The following TENT5B variants were observed in gnomAD, a reference collection of about 807,000 sequenced individuals.
TENT5B encodes the protein terminal nucleotidyltransferase 5B.
In TENT5B, 12 loss-of-function variants were observed where a neutral mutation model predicts 21.7. That is an observed-to-expected ratio of 0.55 (90% confidence interval 0.36 to 0.90). TENT5B has a LOEUF of 0.90. TENT5B is among the 40% of genes least tolerant of loss of function. The pLI is 0.01. For synonymous variants in TENT5B, 262 were observed against 266.6 expected (o/e 0.98, Z 0.17); for missense variants, 540 against 601.5 (o/e 0.90, Z 1.07).
chr1:27,005,926 T>C lies in TENT5B; in HGVS notation c.*18A>G, dbSNP rs1359535450. The C allele has an allele frequency of 6.5e-7, 1 of 1,535,570 alleles. No homozygotes were observed. Among genetic ancestry groups the C allele is most frequent in the South Asian group, 1.3e-5 (1 of 79,102 alleles). The stretch of plus-strand genomic sequence containing the variant: ...ACCCCGTGAGGCCCAGTCCCTTCCC[T>C]TCTGGCCAGGGTCTGAGTCAGTTAC... On this transcript the variant is annotated 3_prime_UTR_variant, in exon 2 of 2. Coordinates refer to ENST00000289166, the MANE Select transcript of TENT5B (RefSeq NM_052943.4).
Position 27,012,765 on chromosome 1 carries a change from C to A in TENT5B, c.-95G>T. 1 of 1,347,558 alleles carries A rather than the reference C, an allele frequency of 7.4e-7. No homozygotes were observed. Among genetic ancestry groups the A allele is most frequent in the Non-Finnish European group, 9.5e-7 (1 of 1,047,624 alleles). The allele number at this position is 1,347,558 out of a possible 1,614,324, so 83.5% of individuals were successfully genotyped here. A position where few individuals can be genotyped will look rare whatever the true frequency, so the allele number is the denominator to read the frequency against. On this transcript the variant is annotated 5_prime_UTR_variant, in exon 1 of 2. Transcript: ENST00000289166. The stretch of plus-strand genomic sequence containing the variant: ...GCTGGGCAGGGGCCAAGGCGGGGGG[C>A]ACGAAGGCAGGGACGGGGCGGCAAC...
At position 27,007,547 on chromosome 1, in the gene TENT5B, G is replaced by C. The variant is rs538926789; in HGVS notation, c.265-590C>G. ...GTTGGGATTACAGGGGCCTGCCACTGTGCCCGGCTAATTTTTGTATTTTTA... is the reference window on the plus strand; with the variant it reads ...GTTGGGATTACAGGGGCCTGCCACTCTGCCCGGCTAATTTTTGTATTTTTA... On this transcript the variant is annotated intron_variant, in intron 1 of 1. Transcript: ENST00000289166. 2.2e-3 allele frequency among the ~76,000 whole-genome samples: 337 copies of C among 150,738 alleles called. 1 individual carries two copies. The highest frequency in any genetic ancestry group is 7.9e-3 in the African/African-American group (316 of 40,206).
intron 1 of TENT5B, among the ~76,000 whole-genome samples, chr1:27,009,249 G>A (rs546368443): frequency 1.2e-3 from 180 of 152,044 alleles, no homozygotes; most frequent in African/African-American, 4.1e-3. Context: ...GATTACAGGC[G>A]TGAGACACTG....
rs1570781772 is a variant in TENT5B, at chr1:27,006,443, T to G, written c.779A>C (p.His260Pro). 1.2e-6 allele frequency: 2 copies of G among 1,613,582 alleles called. No homozygotes were observed. The highest frequency in any genetic ancestry group is 2.2e-5 in the East Asian group (1 of 44,858). ...CGTGGCGATGACACGGTGCCGCAGG[T>G]GCTCCAGGGCCTCGGTGAAGTCCCC... ...LYGDFTEALEHLRHRVIATRS... is the reference protein window; with the variant it reads ...LYGDFTEALEPLRHRVIATRS... The change falls in exon 2 of 2, where the codon CAC becomes CCC. Residue 260 changes from histidine to proline, a missense_variant. Physicochemically the swap from His to Pro is moderately conservative, Grantham distance 77. Transcript: ENST00000289166. This position sits in a 1 kb window ranked among gnomAD's most constrained non-coding sequence, Gnocchi z 9.4.
chr1:27,007,224 T>A (rs2082604459), intron 1 of TENT5B, among the ~76,000 whole-genome samples: 1 of 151,962 alleles, frequency 6.6e-6, no homozygotes, highest in Non-Finnish European at 1.5e-5. Context: ...CACATCTGCA[T>A]AGAATTTACT....
chr1:27,010,021 GGCT>G (rs1329601954), intron 1 of TENT5B, among the ~76,000 whole-genome samples: 1 of 152,206 alleles, frequency 6.6e-6, no homozygotes, highest in Admixed American at 6.5e-5. Context: ...CTCTGCTCCA[GGCT>G]GCTGCTGAGA....
rs1176438735 is a variant in TENT5B, at chr1:27,006,551, T to G, written c.671A>C (p.Asp224Ala). The change falls in exon 2 of 2, where the codon GAC (aspartate) becomes GCC (alanine). Residue 224 changes from aspartate (D) to alanine (A), a missense_variant. Transcript: ENST00000289166. This position sits in a 1 kb window ranked among gnomAD's most constrained non-coding sequence, Gnocchi z 9.4. ...FSIDSFQIIL[D>A]SLLLFGQCSS... ...GCACTGGCCAAAGAGCAACAGGGAGTCCAGGATGATCTGGAAGGAGTCTAT... is the reference window on the plus strand; with the variant it reads ...GCACTGGCCAAAGAGCAACAGGGAGGCCAGGATGATCTGGAAGGAGTCTAT... 6.2e-7 allele frequency: 1 copy of G among 1,613,394 alleles called. No homozygotes were observed. The highest frequency in any genetic ancestry group is 8.5e-7 in the Non-Finnish European group (1 of 1,179,840).
chr1:27,012,185 A>C (rs898076044), intron 1 of TENT5B, among the ~76,000 whole-genome samples: 1 of 152,162 alleles, frequency 6.6e-6, no homozygotes, highest in Non-Finnish European at 1.5e-5. Context: ...GTGGGGAATC[A>C]GGGTTCTCCA....
rs995481463 is a variant in TENT5B at position 27,005,791 on chromosome 1, C to T, written c.*153G>A. On this transcript the variant is annotated 3_prime_UTR_variant, in exon 2 of 2. Transcript: ENST00000289166. The stretch of plus-strand genomic sequence containing the variant: ...ATTAAGCCCACAGGGGCCTCGTGCT[C>T]GGGAAAGTCTGGTCTGTTCAATCAA... 112 of 1,055,770 alleles carry T rather than the reference C, an allele frequency of 1.1e-4. No individual in the cohort carries two copies. Among genetic ancestry groups the T allele is most frequent in the Non-Finnish European group, 1.4e-4 (104 of 768,332 alleles). The allele number at this position is 1,055,770 out of a possible 1,614,324, so 65.4% of individuals were successfully genotyped here.
chr1:27,006,224 C>A lies in TENT5B; in HGVS notation c.998G>T (p.Gly333Val). Residue 333 changes from glycine to valine, a missense_variant, in exon 2 of 2, where the codon GGG becomes GTG. Transcript: ENST00000289166. The surrounding 1 kb of genome is among the most constrained non-coding windows in gnomAD (Gnocchi z 9.4). ...GGCGTAACGGCGGGCTGCATCTGCCCCACCGAAGTGGGCCTCCAGGTAGCG... is the reference window on the plus strand; with the variant it reads ...GGCGTAACGGCGGGCTGCATCTGCCACACCGAAGTGGGCCTCCAGGTAGCG... ...LERYLEAHFG[G>V]ADAARRYACL... 6.2e-7 allele frequency: 1 copy of A among 1,610,614 alleles called. No homozygotes were observed.
chr1:27,011,637 G>A (rs1360962262), intron 1 of TENT5B, among the ~76,000 whole-genome samples: 1 of 152,198 alleles, frequency 6.6e-6, no homozygotes, highest in Non-Finnish European at 1.5e-5. Flanking sequence ...TCTTGGGGTC[G>A]TTGAGGTTCA....
intron 1 of TENT5B, among the ~76,000 whole-genome samples, chr1:27,011,841 A>T (rs1164094026): frequency 2.0e-5 from 3 of 152,094 alleles, no homozygotes; most frequent in African/African-American, 7.2e-5. Context: ...CGGCTTAATA[A>T]ATATTGGGCC....
chr1:27,009,235 C>T (rs939614524), intron 1 of TENT5B, among the ~76,000 whole-genome samples: 1 of 151,872 alleles, frequency 6.6e-6, no homozygotes, highest in Non-Finnish European at 1.5e-5. Flanking sequence ...TCCCAAAGTG[C>T]TGGGATTACA....
rs1192607122 is a variant in TENT5B, at chr1:27,012,457, C to G, written c.214G>C (p.Gly72Arg). 16 of 1,613,054 alleles carry G rather than the reference C, an allele frequency of 9.9e-6. No homozygotes were observed. The highest frequency in any genetic ancestry group is 2.2e-5 in the East Asian group (1 of 44,872). Residue 72 changes from glycine (G) to arginine (R), a missense_variant, in exon 1 of 2, where the codon GGG becomes CGG. Transcript: ENST00000289166. ...CTCAGCGTGGGGAAGTTGCCGCGCC[C>G]GTGAATGGGAATCGGCTCGCTCAGA... ...ALLSEPIPIH[G>R]RGNFPTLSVQ...
chr1:27,010,267 ACAAG>A (rs2082617672), intron 1 of TENT5B, among the ~76,000 whole-genome samples: 1 of 152,160 alleles, frequency 6.6e-6, no homozygotes, highest in Non-Finnish European at 1.5e-5. Flanking sequence ...TAGTACAGGT[ACAAG>A]CAAGAACAGA....
At position 27,005,518 on chromosome 1, in the gene TENT5B, CAG is replaced by C. The variant is rs2082591919; in HGVS notation, c.*424_*425del. 2 of 174,696 alleles carry C rather than the reference CAG, an allele frequency of 1.1e-5. No homozygotes were observed. Among genetic ancestry groups the C allele is most frequent in the Non-Finnish European group, 2.4e-5 (2 of 82,624 alleles). The allele number at this position is 174,696 out of a possible 1,614,324, so 10.8% of individuals were successfully genotyped here. On this transcript the variant is annotated 3_prime_UTR_variant, in exon 2 of 2. Transcript: ENST00000289166. The stretch of plus-strand genomic sequence containing the variant: ...TCCCTGTAACATACCATGTATCAGT[CAG>C]TGTGTGGGCTGCAGGCCCTCCAAAG...
intron 1 of TENT5B, among the ~76,000 whole-genome samples, chr1:27,011,417 G>A (rs149762877): frequency 3.9e-5 from 6 of 152,328 alleles, no homozygotes; most frequent in African/African-American, 1.4e-4. Context: ...ACACCTAGAA[G>A]TTGACCTTGG....
chr1:27,005,840 C>T lies in TENT5B; in HGVS notation c.*104G>A. 6.9e-7 allele frequency: 1 copy of T among 1,444,550 alleles called. No individual in the cohort carries two copies. Among genetic ancestry groups the T allele is most frequent in the South Asian group, 1.4e-5 (1 of 71,366 alleles). The allele number at this position is 1,444,550 out of a possible 1,614,324, so 89.5% of individuals were successfully genotyped here. ...AAAGGCCCAACCCTGCAGTGCTGGG[C>T]CTCCTGGCACATTCTGCGCCTCTGG... is the stretch of plus-strand genomic sequence containing the variant. On this transcript the variant is annotated 3_prime_UTR_variant, in exon 2 of 2. Transcript: ENST00000289166.
At position 27,012,837 on chromosome 1, in the gene TENT5B, C is replaced by T. The variant is rs1481578589; in HGVS notation, c.-167G>A. The T allele has an allele frequency of 1.1e-6, 1 of 905,062 alleles. No homozygotes were observed. Among genetic ancestry groups the T allele is most frequent in the Non-Finnish European group, 1.5e-6 (1 of 650,736 alleles). The allele number at this position is 905,062 out of a possible 1,614,324, so 56.1% of individuals were successfully genotyped here. Reference sequence around the variant, plus strand: ...AACACCTCAGACGGCGACGACTAACCGACCCTAGCGCCTGCAGCCCGCGGC... The same window carrying T: ...AACACCTCAGACGGCGACGACTAACTGACCCTAGCGCCTGCAGCCCGCGGC... On this transcript the variant is annotated 5_prime_UTR_variant, in exon 1 of 2. Coordinates refer to ENST00000289166, the MANE Select transcript of TENT5B (RefSeq NM_052943.4).
Sources: allele counts gnomAD v4.1 joint callset (sites outside exome capture counted in the v4.1 genomes callset), GRCh38; gene constraint gnomAD v4.1.1; non-coding constraint Gnocchi (gnomAD v3.1); transcripts MANE v1.5; gene names NCBI Gene and HGNC (gene_info 2026-07-23, HGNC 2026-07-21).